Variants in RYR2 observed in about 807,000 individuals in gnomAD.
RYR2 encodes cardiac muscle ryanodine receptor-calcium release channel.
In RYR2, 227 loss-of-function variants were observed where a neutral mutation model predicts 601.1. The ratio of observed to expected loss-of-function variants is 0.38; its 90% CI spans 0.34 to 0.42. The LOEUF (loss-of-function observed/expected upper bound fraction) is 0.42. Ranked by LOEUF, RYR2 falls within the 10% of genes least tolerant of loss-of-function variation. The pLI is 1.00. For missense variants in RYR2, 4,646 were observed against 6,156.5 expected (o/e 0.75, Z 8.21); for synonymous variants, 2,223 against 2,175.1 (o/e 1.02, Z -0.61).
rs376139069 is a variant in RYR2 at position 237,421,953 on chromosome 1, G to A, written c.849-1139G>A. On this transcript the variant is annotated intron_variant, in intron 11 of 104. Transcript: ENST00000366574. ...AATATCAAATTTGTCATTTCCTTTT[G>A]AGGTTTATTTGCTTGTTGAATCTTT... Among the ~76,000 whole-genome samples the A allele has an allele frequency of 6.6e-5, 10 of 152,074 alleles. No individual in the cohort carries two copies. The East Asian group carries it at 1.4e-3, about 21-fold the overall frequency.
chr1:237,492,824 A>G lies in RYR2; in HGVS notation c.1828-130A>G, dbSNP rs12022241. ...GGGTGACAGAGTGAGATGCTGTCTG[A>G]AAGGAAGGAAGGAAGGAAGGAAGGA... On this transcript the variant is annotated intron_variant, in intron 18 of 104. Coordinates refer to ENST00000366574, the MANE Select transcript of RYR2 (RefSeq NM_001035.3). 0.2 allele frequency: 152,572 copies of G among 770,812 alleles called. 19,654 individuals carry two copies. The highest frequency in any genetic ancestry group is 0.27 in the South Asian group (14,858 of 54,342). The allele number at this position is 770,812 out of a possible 1,614,324, so 47.7% of individuals were successfully genotyped here.
At chr1:237,773,369 A>G in intron 86 of RYR2, 151 bp from the exon 87 acceptor site, 1 of 542,038 alleles carries the variant, frequency 1.8e-6, no homozygotes, top group Non-Finnish European at 3.3e-6. Flanking sequence ...TAGGAAATTC[A>G]TTGAAGAATG....
intron 63 of RYR2, among the ~76,000 whole-genome samples, chr1:237,697,473 T>C (rs1369627814): frequency 2.1e-5 from 3 of 144,242 alleles, no homozygotes; most frequent in Admixed American, 7.1e-5. Context: ...TGATATATAA[T>C]ATATTTATAG....
intron 10 of RYR2, among the ~76,000 whole-genome samples, chr1:237,413,167 G>T (rs1043370083): frequency 1.3e-5 from 2 of 152,002 alleles, no homozygotes; most frequent in African/African-American, 2.4e-5. Flanking sequence ...TGTAATTTAC[G>T]TAGGGAACTA....
intron 1 of RYR2, among the ~76,000 whole-genome samples, chr1:237,142,748 C>T (rs1292770882): frequency 1.3e-5 from 2 of 152,228 alleles, no homozygotes; most frequent in Non-Finnish European, 2.9e-5. Context: ...TAGAGTGCAA[C>T]ACTTCACTGC....
chr1:237,773,914 A>C lies in RYR2; in HGVS notation c.11775+266A>C, dbSNP rs537241257. Among the ~76,000 whole-genome samples the C allele has an allele frequency of 7.2e-5, 11 of 152,284 alleles. No homozygotes were observed. In the South Asian group the frequency reaches 2.3e-3, roughly 32 times the overall value. On this transcript the variant is annotated intron_variant, in intron 87 of 104. Coordinates refer to ENST00000366574, the MANE Select transcript of RYR2 (RefSeq NM_001035.3). Reference sequence around the variant, plus strand: ...CCAGGGCCTGGTATATGTATTAAGCACTTAGTAAATATTAAGGAAGGAAGG... The same window carrying C: ...CCAGGGCCTGGTATATGTATTAAGCCCTTAGTAAATATTAAGGAAGGAAGG...
intron 1 of RYR2, among the ~76,000 whole-genome samples, chr1:237,226,195 G>A (rs1443165791): frequency 2.0e-5 from 3 of 152,184 alleles, no homozygotes; most frequent in Non-Finnish European, 4.4e-5. Context: ...ATGGCTCAGT[G>A]GGAAAATTGC....
At chr1:237,546,993 A>ATATATATTTATT (rs746133377) in intron 25 of RYR2, among the ~76,000 whole-genome samples, 204 of 127,386 alleles carry the variant, frequency 1.6e-3, no homozygotes, top group African/African-American at 5.4e-3. Flanking sequence ...ATATATATAT[A>ATATATATTTATT]TATTTATTTA....
chr1:237,804,136 G>A (rs751688219), intron 98 of RYR2, among the ~76,000 whole-genome samples: 8 of 151,924 alleles, frequency 5.3e-5, no homozygotes, highest in Admixed American at 3.3e-4. Flanking sequence ...TTCACAAACC[G>A]TTATCCTTCT....
At position 237,783,969 on chromosome 1, in the gene RYR2, G is replaced by A. The variant is rs752977469; in HGVS notation, c.12257G>A (p.Arg4086His). Reference sequence around the variant, plus strand: ...CTCGACTACGAAGAGTTCGTCAAACGCTTCCACGAACCTGCGAAGGACATC... The same window carrying A: ...CTCGACTACGAAGAGTTCGTCAAACACTTCCACGAACCTGCGAAGGACATC... ...ETLDYEEFVK[R>H]FHEPAKDIGF... The change falls in exon 90 of 105, where the codon CGC (arginine) becomes CAC (histidine). Residue 4086 changes from arginine to histidine, a missense_variant. Physicochemically the swap from Arg to His is conservative, Grantham distance 29. Transcript: ENST00000366574. 1 of 1,613,686 alleles carries A rather than the reference G, an allele frequency of 6.2e-7. No homozygotes were observed. Among genetic ancestry groups the A allele is most frequent in the Non-Finnish European group, 8.5e-7 (1 of 1,179,752 alleles).
intron 1 of RYR2, among the ~76,000 whole-genome samples, chr1:237,083,081 G>C (rs1665921384): frequency 6.6e-6 from 1 of 152,168 alleles, no homozygotes; most frequent in African/African-American, 2.4e-5. Context: ...TGGGCCCACT[G>C]TTGCCACAAG....
chr1:237,363,807 T>A (rs192606590), intron 4 of RYR2, among the ~76,000 whole-genome samples: 72 of 152,304 alleles, frequency 4.7e-4, no homozygotes, highest in African/African-American at 1.6e-3. Context: ...AATGTTTTTG[T>A]GATTTTTCTG....
At chr1:237,747,271 T>C (rs1428460562) in intron 80 of RYR2, among the ~76,000 whole-genome samples, 1 of 152,216 alleles carries the variant, frequency 6.6e-6, no homozygotes, top group African/African-American at 2.4e-5. Flanking sequence ...AGATGAATTA[T>C]CTGATGAGTC....
At chr1:237,419,522 G>T (rs977833763) in intron 11 of RYR2, among the ~76,000 whole-genome samples, 1 of 152,118 alleles carries the variant, frequency 6.6e-6, no homozygotes, top group African/African-American at 2.4e-5. Flanking sequence ...ATATAGAAAG[G>T]AGATGATCTT....
At chr1:237,193,040 C>T (rs769686148) in intron 1 of RYR2, among the ~76,000 whole-genome samples, 5 of 151,638 alleles carry the variant, frequency 3.3e-5, no homozygotes, top group South Asian at 2.1e-4. Context: ...ATCTTGAATG[C>T]GGCCAGGCGT....
intron 1 of RYR2, among the ~76,000 whole-genome samples, chr1:237,120,278 A>AT (rs1339829941): frequency 2.0e-5 from 3 of 152,196 alleles, no homozygotes; most frequent in Non-Finnish European, 4.4e-5. Flanking sequence ...TTCCTACATT[A>AT]TTAAGCATCC....
intron 63 of RYR2, among the ~76,000 whole-genome samples, chr1:237,697,330 GTA>G (rs1241068525): frequency 5.4e-4 from 77 of 141,714 alleles, no homozygotes; most frequent in African/African-American, 1.8e-3. Flanking sequence ...GTGTGTGTGT[GTA>G]TATATATATA....
rs561894019 is a variant in RYR2, at chr1:237,708,931, A to G, written c.9975A>G (p.Lys3325=). 1 of 1,613,056 alleles carries G rather than the reference A, an allele frequency of 6.2e-7. No homozygotes were observed. Among genetic ancestry groups the G allele is most frequent in the East Asian group, 2.2e-5 (1 of 44,856 alleles). The part of the protein sequence containing the change: ...LKTHFLPLME[K]LKKKAATVVS... The stretch of plus-strand genomic sequence containing the variant: ...CTCATTTCTTGCCGTTAATGGAGAA[A>G]CTCAAGAAAAAGGCAGCTACGGTGG... The change falls in exon 69 of 105, where the codon AAA becomes AAG. Residue 3325 remains lysine (K), a synonymous_variant. Transcript: ENST00000366574.
chr1:237,249,493 T>C (rs1383119358), intron 1 of RYR2, among the ~76,000 whole-genome samples: 1 of 152,226 alleles, frequency 6.6e-6, no homozygotes, highest in Non-Finnish European at 1.5e-5. Context: ...TTCATATATT[T>C]TACTTACTTT....
Sources: gnomAD v4.1 joint callset for allele counts (sites outside exome capture counted in the v4.1 genomes callset) on GRCh38, gnomAD v4.1.1 for gene constraint, MANE v1.5 for transcripts, NCBI Gene and HGNC (gene_info 2026-07-23, HGNC 2026-07-21) for gene names.